The following CYS1 variants were observed in gnomAD, a reference collection of about 807,000 sequenced individuals.
CYS1 encodes cystin 1, also known as cystin-1.
Under a neutral mutation model 9.6 loss-of-function variants are expected in CYS1, and 5 were observed. That is an observed-to-expected ratio of 0.52 (90% CI 0.27 to 1.10). CYS1 has a LOEUF of 1.10. Among genes scored for constraint, CYS1 ranks in the 50% least tolerant of loss-of-function variants. CYS1 has a pLI of 0.11. For synonymous variants in CYS1, 88 were observed against 95.7 expected, an observed-to-expected ratio of 0.92 and a Z score of 0.47; for missense variants, 221 against 207.9, an observed-to-expected ratio of 1.06 and a Z score of -0.39.
At chr2:10,059,978 G>A (rs1006353014) in intron 2 of CYS1, among the ~76,000 whole-genome samples, 8 of 152,382 alleles carry the variant, frequency 5.2e-5, no homozygotes, top group African/African-American at 1.7e-4. Context: ...TGGACACCTG[G>A]GTGGTGCTGA....
chr2:10,061,315 C>G (rs915393660), intron 2 of CYS1, among the ~76,000 whole-genome samples: 18 of 152,186 alleles, frequency 1.2e-4, no homozygotes, highest in African/African-American at 4.1e-4. Flanking sequence ...GAGGAGAGAC[C>G]CGGCCACTGC....
chr2:10,072,169 T>C (rs557314956), intron 1 of CYS1, among the ~76,000 whole-genome samples: 2 of 152,248 alleles, frequency 1.3e-5, no homozygotes, highest in East Asian at 3.9e-4. Context: ...CTGCAACCTC[T>C]GCTCCTGGGT....
rs1194237732 is a variant in CYS1 at position 10,063,716 on chromosome 2, C to T, written c.371+2188G>A. 6.6e-6 allele frequency among the ~76,000 whole-genome samples: 1 copy of T among 152,166 alleles called. No individual in the cohort carries two copies. Among genetic ancestry groups the T allele is most frequent in the Non-Finnish European group, 1.5e-5 (1 of 68,034 alleles). ...ACGCTGGGGGGCTGAGACTGGCCTG[C>T]AGGGTCCACGGCTGCCACGGGAGTC... On this transcript the variant is annotated intron_variant, in intron 2 of 2. Transcript: ENST00000381813. The surrounding 1 kb of genome is among the most constrained non-coding windows in gnomAD (Gnocchi z 4.2).
Position 10,079,991 on chromosome 2 carries a change from A to G in CYS1, c.233T>C (p.Leu78Pro). ...DETLRLLDEL[L>P]AESAAWGPPE... ...GGGGCCCCAGGCCGCCGACTCGGCC[A>G]GCAGCTCGTCCAGCAGGCGCAGCGT... Residue 78 changes from leucine (L) to proline (P), a missense_variant, in exon 1 of 3, where the codon CTG becomes CCG. Coordinates refer to ENST00000381813, the MANE Select transcript of CYS1 (RefSeq NM_001037160.3). The G allele has an allele frequency of 1.8e-6, 2 of 1,095,144 alleles. No individual in the cohort carries two copies. Among genetic ancestry groups the G allele is most frequent in the Non-Finnish European group, 2.2e-6 (2 of 901,358 alleles). 67.8% of individuals were successfully genotyped at this position (1,095,144 alleles called of 1,614,324 possible).
intron 1 of CYS1, 51 bp downstream of exon 1, chr2:10,079,855 G>T: frequency 9.5e-7 from 1 of 1,047,738 alleles, no homozygotes; most frequent in Non-Finnish European, 1.2e-6. Context: ...ACGCGCGGCC[G>T]GTGAGTGGGG....
chr2:10,062,539 T>C (rs927789533), intron 2 of CYS1, among the ~76,000 whole-genome samples: 6 of 152,146 alleles, frequency 3.9e-5, no homozygotes, highest in African/African-American at 1.4e-4. Context: ...TACCTGGGAA[T>C]ACAGGCACGT....
In CYS1 at chr2:10,067,406, C is replaced by CTT. The variant is rs34525296; in HGVS notation, c.319-1452_319-1451dup. 3.4e-3 allele frequency among the ~76,000 whole-genome samples: 400 copies of CTT among 118,102 alleles called. 6 individuals carry two copies. The highest frequency in any genetic ancestry group is 0.024 in the Middle Eastern group (4 of 168). The allele number at this position is 118,102 out of a possible 152,430, so 77.5% of individuals were successfully genotyped here. A position where few individuals can be genotyped will look rare whatever the true frequency, so the allele number is the denominator to read the frequency against. The stretch of plus-strand genomic sequence containing the variant: ...ATATACATTTTAAAAAAATTCTTTT[C>CTT]TTTTTTTTTTTTTTTTTTTGAGACA... On this transcript the variant is annotated intron_variant, in intron 1 of 2. Transcript: ENST00000381813.
chr2:10,080,195 C>T lies in CYS1; in HGVS notation c.29G>A (p.Arg10Gln), dbSNP rs1223948720. The change falls in exon 1 of 3, where the codon CGG becomes CAG. Residue 10 changes from arginine to glutamine, a missense_variant. Physicochemically the swap from Arg to Gln is conservative, Grantham distance 43. Transcript: ENST00000381813. This position sits in a 1 kb window ranked among gnomAD's most constrained non-coding sequence, Gnocchi z 6.4. MGSGSSRSS[R>Q]TLRRRRSPES... ...GGGGCTGCGCCGCCGCCTCAGAGTC[C>T]GGCTGCTCCGGCTGCTGCCGCTGCC... 1.9e-6 allele frequency: 2 copies of T among 1,062,228 alleles called. No homozygotes were observed. The highest frequency in any genetic ancestry group is 5.3e-5 in the Admixed American group (1 of 18,704). 65.8% of individuals were successfully genotyped at this position (1,062,228 alleles called of 1,614,324 possible).
At chr2:10,070,784 C>T (rs1420422658) in intron 1 of CYS1, among the ~76,000 whole-genome samples, 1 of 152,054 alleles carries the variant, frequency 6.6e-6, no homozygotes, top group Non-Finnish European at 1.5e-5. Flanking sequence ...ACTGAAACTA[C>T]AGGCACATGC....
At chr2:10,075,136 T>C (rs1661826381) in intron 1 of CYS1, among the ~76,000 whole-genome samples, 2 of 151,308 alleles carry the variant, frequency 1.3e-5, no homozygotes, top group African/African-American at 4.9e-5. Context: ...AAATCGCTTC[T>C]GGACCTCTGG....
chr2:10,063,842 G>A lies in CYS1; in HGVS notation c.371+2062C>T, dbSNP rs977699754. ...TGCTGGGACCTGGGGCTTCCTTCCT[G>A]GTGGAAGCACGGTGCTGGAGGGGCT... On this transcript the variant is annotated intron_variant, in intron 2 of 2. Coordinates refer to ENST00000381813, the MANE Select transcript of CYS1 (RefSeq NM_001037160.3). This position sits in a 1 kb window ranked among gnomAD's most constrained non-coding sequence, Gnocchi z 4.2. 7.2e-5 allele frequency among the ~76,000 whole-genome samples: 11 copies of A among 152,330 alleles called. No homozygotes were observed. The highest frequency in any genetic ancestry group is 3.4e-3 in the Middle Eastern group (1 of 294).
At chr2:10,068,260 G>A (rs189153507) in intron 1 of CYS1, among the ~76,000 whole-genome samples, 19 of 152,268 alleles carry the variant, frequency 1.2e-4, no homozygotes, top group Non-Finnish European at 2.8e-4. Flanking sequence ...AATAAACGTA[G>A]CTGATTATAG....
chr2:10,065,473 A>G (rs1474888972), intron 2 of CYS1, among the ~76,000 whole-genome samples: 2 of 152,112 alleles, frequency 1.3e-5, no homozygotes, highest in African/African-American at 4.8e-5. Flanking sequence ...TGCTACCTTC[A>G]AGGGTGTTCA....
At position 10,062,591 on chromosome 2, in the gene CYS1, T is replaced by C. The variant is rs1046976882; in HGVS notation, c.371+3313A>G. The stretch of plus-strand genomic sequence containing the variant: ...AATTTTTATGTATTTTTAGTAGAGA[T>C]GGGGTTTCACCATGTTGGCCAGGCT... On this transcript the variant is annotated intron_variant, in intron 2 of 2. Coordinates refer to ENST00000381813, the MANE Select transcript of CYS1 (RefSeq NM_001037160.3). Among the ~76,000 whole-genome samples the C allele has an allele frequency of 9.2e-5, 14 of 152,144 alleles. 1 individual carries two copies. Among genetic ancestry groups the C allele is most frequent in the African/African-American group, 3.4e-4 (14 of 41,510 alleles).
chr2:10,071,156 G>A (rs1028948690), intron 1 of CYS1, among the ~76,000 whole-genome samples: 4 of 152,152 alleles, frequency 2.6e-5, no homozygotes, highest in Non-Finnish European at 5.9e-5. Flanking sequence ...TAGTAGATAC[G>A]GGGTTTCACT....
At chr2:10,062,585 T>A (rs1661642257) in intron 2 of CYS1, among the ~76,000 whole-genome samples, 1 of 152,080 alleles carries the variant, frequency 6.6e-6, no homozygotes, top group Non-Finnish European at 1.5e-5. Flanking sequence ...GTATTTTTAG[T>A]AGAGATGGGG....
chr2:10,068,602 T>C (rs921471763), intron 1 of CYS1, among the ~76,000 whole-genome samples: 1 of 151,966 alleles, frequency 6.6e-6, no homozygotes, highest in African/African-American at 2.4e-5. Context: ...TACAACTTCC[T>C]AGAGCTTGCA....
chr2:10,073,043 T>C (rs555534284), intron 1 of CYS1, among the ~76,000 whole-genome samples: 3 of 131,034 alleles, frequency 2.3e-5, no homozygotes, highest in African/African-American at 8.9e-5. Flanking sequence ...GCAGAGCAGA[T>C]GTGTGGGAGC....
intron 2 of CYS1, among the ~76,000 whole-genome samples, chr2:10,059,567 G>C (rs755267459): frequency 7.2e-5 from 11 of 152,118 alleles, no homozygotes; most frequent in Non-Finnish European, 7.4e-5. Flanking sequence ...TGGGGTGACG[G>C]GTGCCTATAA....
Sources: gnomAD v4.1 joint callset for allele counts (sites outside exome capture counted in the v4.1 genomes callset) on GRCh38, gnomAD v4.1.1 for gene constraint, Gnocchi (gnomAD v3.1) non-coding constraint, MANE v1.5 for transcripts, NCBI Gene and HGNC (gene_info 2026-07-23, HGNC 2026-07-21) for gene names.